Variants in COX7A2L observed in about 807,000 individuals in gnomAD.
COX7A2L encodes cytochrome c oxidase subunit 7A2-like, mitochondrial.
In COX7A2L, 18 loss-of-function variants were observed where a neutral mutation model predicts 14.2. That is an observed-to-expected ratio of 1.27 (90% confidence interval 0.88 to 1.88). The LOEUF (loss-of-function observed/expected upper bound fraction) is 1.88. COX7A2L is among the 40% of genes most tolerant of loss of function. The pLI, the probability that COX7A2L is intolerant of heterozygous loss-of-function variation, is 0.00. For synonymous variants in COX7A2L, 65 were observed against 57.4 expected (o/e 1.13, Z -0.60); for missense variants, 179 against 138.8 (o/e 1.29, Z -1.46).
chr2:42,366,201 C>T (rs1269257429), upstream of COX7A2L, among the ~76,000 whole-genome samples: 1 of 152,148 alleles, frequency 6.6e-6, no homozygotes, highest in Non-Finnish European at 1.5e-5. Context: ...AGGCCAAGAC[C>T]AGCGGATCAC....
At chr2:42,347,869 C>T (rs1037757500), downstream of COX7A2L, among the ~76,000 whole-genome samples, 6 of 152,012 alleles carry the variant, frequency 3.9e-5, no homozygotes, top group East Asian at 1.9e-4. Flanking sequence ...TGCGGTGAGC[C>T]GAGATGGCGC....
At chr2:42,356,276 C>T (rs181869678) in intron 1 of COX7A2L, among the ~76,000 whole-genome samples, 4 of 152,238 alleles carry the variant, frequency 2.6e-5, no homozygotes, top group African/African-American at 9.6e-5. Context: ...GCATGTCCTC[C>T]CCCTTGCCCT....
intron 2 of COX7A2L, among the ~76,000 whole-genome samples, chr2:42,337,856 T>C (rs1670315875): frequency 6.6e-6 from 1 of 152,230 alleles, no homozygotes; most frequent in African/African-American, 2.4e-5. Context: ...CCTGCACGTG[T>C]GCACCTGCAG....
In COX7A2L at chr2:42,351,180, GT is replaced by G; in HGVS notation, c.*38del. 1 of 1,579,158 alleles carries G rather than the reference GT, an allele frequency of 6.3e-7. No individual in the cohort carries two copies. ...AACAATGAAAAAGGAACTTCAAAGG[GT>G]TTATGCCAAAAAACAAACCAGTCCT... On this transcript the variant is annotated 3_prime_UTR_variant, in exon 3 of 3. Transcript: ENST00000234301.
downstream of COX7A2L, among the ~76,000 whole-genome samples, chr2:42,346,232 A>G (rs1670495685): frequency 1.3e-5 from 2 of 152,212 alleles, no homozygotes; most frequent in Admixed American, 6.5e-5. Flanking sequence ...TGAGAAACAG[A>G]GAAAGCTGGT....
At chr2:42,364,705 T>C (rs1157716875), upstream of COX7A2L, among the ~76,000 whole-genome samples, 9 of 152,202 alleles carry the variant, frequency 5.9e-5, no homozygotes, top group Admixed American at 5.9e-4. Flanking sequence ...CTAGATTATA[T>C]TGATATTGAA....
chr2:42,360,696 C>A (rs1431486436), intron 1 of COX7A2L, among the ~76,000 whole-genome samples: 1 of 123,120 alleles, frequency 8.1e-6, no homozygotes, highest in African/African-American at 3.2e-5. Flanking sequence ...AGTGAGGCTG[C>A]CTATGGGGCT....
downstream of COX7A2L, among the ~76,000 whole-genome samples, chr2:42,346,762 A>G (rs1282642205): frequency 2.6e-5 from 4 of 152,048 alleles, no homozygotes; most frequent in Admixed American, 2.6e-4. Flanking sequence ...CCTGTCTCAA[A>G]AAAAAAAAGG....
At position 42,353,330 on chromosome 2, in the gene COX7A2L, A is replaced by G; in HGVS notation, c.86T>C (p.Val29Ala). 1.2e-6 allele frequency: 2 copies of G among 1,613,918 alleles called. No homozygotes were observed. The highest frequency in any genetic ancestry group is 1.1e-5 in the South Asian group (1 of 91,018). Residue 29 changes from valine (V) to alanine (A), a missense_variant, in exon 2 of 3, where the codon GTG becomes GCG. By Grantham distance (64) the Val-to-Ala change is moderately conservative (BLOSUM62 0). Coordinates refer to ENST00000234301, the MANE Select transcript of COX7A2L (RefSeq NM_004718.4). ...EAYSPQGLKP[V>A]VSTEAPPIIF... The stretch of plus-strand genomic sequence containing the variant: ...GATAGGTGGTGCTTCTGTGGAAACC[A>G]CAGGCTTTAATCCCTGTAGAGAAAA...
chr2:42,338,058 T>C lies in COX7A2L; in HGVS notation c.193-4189A>G, dbSNP rs575037512. Among the ~76,000 whole-genome samples the C allele has an allele frequency of 3.9e-5, 6 of 152,166 alleles. No homozygotes were observed. The East Asian group carries it at 7.8e-4, about 20-fold the overall frequency. ...CTGTGAAGCTCAGCATCTGGGACCA[T>C]AGGGACAAGAGACGACCCGGGAGCA... On this transcript the variant is annotated intron_variant, in intron 2 of 2. Coordinates refer to the COX7A2L transcript ENST00000468711. The surrounding 1 kb of genome is among the most constrained non-coding windows in gnomAD (Gnocchi z 4.4).
At chr2:42,341,922 C>A (rs1231817126) in intron 2 of COX7A2L, among the ~76,000 whole-genome samples, 1 of 152,214 alleles carries the variant, frequency 6.6e-6, no homozygotes, top group Non-Finnish European at 1.5e-5. Context: ...TCAAACACCA[C>A]TGAACTTTGA....
chr2:42,360,218 T>G (rs1670977760), intron 1 of COX7A2L, among the ~76,000 whole-genome samples: 2 of 152,238 alleles, frequency 1.3e-5, no homozygotes, highest in African/African-American at 4.8e-5. Flanking sequence ...CTCAGACAGC[T>G]TCTGGTGAAC....
At chr2:42,341,269 C>A (rs924141592) in intron 2 of COX7A2L, among the ~76,000 whole-genome samples, 14 of 152,128 alleles carry the variant, frequency 9.2e-5, no homozygotes, top group African/African-American at 2.9e-4. Context: ...ACATCTACCC[C>A]TTGGCAGGAG....
At chr2:42,364,108 G>C (rs1043637537), upstream of COX7A2L, among the ~76,000 whole-genome samples, 1 of 152,026 alleles carries the variant, frequency 6.6e-6, no homozygotes, top group Non-Finnish European at 1.5e-5. Flanking sequence ...AAAATTAGCC[G>C]GGCGTGGTAG....
chr2:42,352,315 G>A (rs1349872169), intron 2 of COX7A2L, among the ~76,000 whole-genome samples: 2 of 152,062 alleles, frequency 1.3e-5, no homozygotes, highest in East Asian at 1.9e-4. Flanking sequence ...GGTTACAGAC[G>A]CGTGCCTATA....
rs386390054 is a variant in COX7A2L at position 42,355,717 on chromosome 2, C to CTTTTTTTTTTTTTTTTTTT, written c.73-2393_73-2375dup. On this transcript the variant is annotated intron_variant, in intron 1 of 2. Coordinates refer to ENST00000234301, the MANE Select transcript of COX7A2L (RefSeq NM_004718.4). The stretch of plus-strand genomic sequence containing the variant: ...CAGTCACAGTGTAAAATCCTACGTT[C>CTTTTTTTTTTTTTTTTTTT]TTTTTTTTTTTTTTTTTTTTTTTTT... Among the ~76,000 whole-genome samples the CTTTTTTTTTTTTTTTTTTT allele has an allele frequency of 2.9e-5, 2 of 69,048 alleles. 1 individual carries two copies. Among genetic ancestry groups the CTTTTTTTTTTTTTTTTTTT allele is most frequent in the African/African-American group, 1.2e-4 (2 of 16,884 alleles). The allele number at this position is 69,048 out of a possible 152,430, so 45.3% of individuals were successfully genotyped here. A position where few individuals can be genotyped will look rare whatever the true frequency, so the allele number is the denominator to read the frequency against.
At chr2:42,353,790 A>C (rs944246004) in intron 1 of COX7A2L, among the ~76,000 whole-genome samples, 1 of 152,210 alleles carries the variant, frequency 6.6e-6, no homozygotes, top group Admixed American at 6.5e-5. Flanking sequence ...ACAAACAAAC[A>C]AACAATACTT....
chr2:42,361,447 T>A (rs746175360), upstream of COX7A2L: 2 of 331,830 alleles, frequency 6.0e-6, no homozygotes, highest in Non-Finnish European at 1.1e-5. Flanking sequence ...CCCATTCAGA[T>A]TTGGGCAGTG....
rs1670359072 is a variant in COX7A2L, at chr2:42,339,553, T to G, written c.193-5684A>C. Among the ~76,000 whole-genome samples, 1 of 152,180 alleles carries G rather than the reference T, an allele frequency of 6.6e-6. No homozygotes were observed. On this transcript the variant is annotated intron_variant, in intron 2 of 2. Coordinates refer to the COX7A2L transcript ENST00000468711. This position sits in a 1 kb window ranked among gnomAD's most constrained non-coding sequence, Gnocchi z 5.4. ...CCTCTCCTGCCACCATTCCTCCTGG[T>G]TTCTTTCTTCCCTTCTGCCCTTCCT...
Sources: gnomAD v4.1 joint callset for allele counts (sites outside exome capture counted in the v4.1 genomes callset) on GRCh38, gnomAD v4.1.1 for gene constraint, Gnocchi (gnomAD v3.1) non-coding constraint, MANE v1.5 for transcripts, NCBI Gene and HGNC (gene_info 2026-07-23, HGNC 2026-07-21) for gene names.